Variants in MAN1A2 observed in about 807,000 individuals in gnomAD.
MAN1A2 encodes mannosidase alpha class 1A member 2.
A neutral mutation model predicts 75.7 loss-of-function variants in MAN1A2; 26 were observed. The observed-to-expected ratio is 0.34, with a 90% CI of 0.25 to 0.48. The LOEUF (loss-of-function observed/expected upper bound fraction) is 0.48. MAN1A2 is among the 20% of genes least tolerant of loss of function. The probability of loss-of-function intolerance (pLI) is 0.99; values close to 1 mark genes in which losing one functional copy is unlikely to be tolerated. For missense variants in MAN1A2, 562 were observed against 775.5 expected (o/e 0.72, Z 3.27); for synonymous variants, 247 against 264.6 (o/e 0.93, Z 0.65).
chr1:117,488,619 G>C (rs1650787126), intron 8 of MAN1A2, among the ~76,000 whole-genome samples: 1 of 152,052 alleles, frequency 6.6e-6, no homozygotes. Context: ...AAACTTTTAT[G>C]ATGCCAGAAA....
intron 8 of MAN1A2, among the ~76,000 whole-genome samples, chr1:117,480,363 A>G (rs1650457304): frequency 6.6e-6 from 1 of 151,894 alleles, no homozygotes; most frequent in African/African-American, 2.4e-5. Context: ...AGTAATTTAC[A>G]GGCAATAATG....
chr1:117,512,664 T>C (rs1254296474), intron 12 of MAN1A2, among the ~76,000 whole-genome samples: 2 of 151,840 alleles, frequency 1.3e-5, no homozygotes, highest in African/African-American at 2.4e-5. Context: ...CAAATAGGTA[T>C]ACTGGAAGAC....
At chr1:117,511,270 G>A (rs1479897214) in intron 12 of MAN1A2, among the ~76,000 whole-genome samples, 1 of 152,004 alleles carries the variant, frequency 6.6e-6, no homozygotes. Context: ...GGGGATTATG[G>A]GGATTACAAT....
At chr1:117,480,779 T>G (rs1347811984) in intron 8 of MAN1A2, among the ~76,000 whole-genome samples, 1 of 151,918 alleles carries the variant, frequency 6.6e-6, no homozygotes, top group Non-Finnish European at 1.5e-5. Flanking sequence ...ACATGAAAAC[T>G]TGTGTACTTT....
At position 117,522,907 on chromosome 1, in the gene MAN1A2, G is replaced by T. The variant is rs780177180; in HGVS notation, c.1876G>T (p.Val626Leu). 3 of 1,611,724 alleles carry T rather than the reference G, an allele frequency of 1.9e-6. No individual in the cohort carries two copies. The change falls in exon 13 of 13, where the codon GTG becomes TTG. Residue 626 changes from valine (V) to leucine (L), a missense_variant. Physicochemically the swap from Val to Leu is conservative, Grantham distance 32 (BLOSUM62 1). Transcript: ENST00000356554. ...TAATACAGAGGCTCACCCTCTGCCT[G>T]TGTTACATTTAGCCAACACCACACT... ...VFNTEAHPLP[V>L]LHLANTTLSG...
At chr1:117,407,661 C>A (rs1647659823) in intron 3 of MAN1A2, among the ~76,000 whole-genome samples, 1 of 152,142 alleles carries the variant, frequency 6.6e-6, no homozygotes, top group Non-Finnish European at 1.5e-5. Context: ...GCATCAGAGT[C>A]CTCTTTACAT....
chr1:117,526,880 C>CTCTCTCTCTCTATATATATATATATA lies in MAN1A2; in HGVS notation c.*3924_*3925insCTCTCTCTCTATATATATATATATAT. ...TCTCTCTCTCTCTCTCTCTCTCTCT[C>CTCTCTCTCTCTATATATATATATATA]TATATATATATATATATATATATAT... On this transcript the variant is annotated 3_prime_UTR_variant, in exon 13 of 13. Transcript: ENST00000356554. 1.3e-4 allele frequency: 7 copies of CTCTCTCTCTCTATATATATATATATA among 54,502 alleles called. No individual in the cohort carries two copies. Among genetic ancestry groups the CTCTCTCTCTCTATATATATATATATA allele is most frequent in the Admixed American group, 2.4e-4 (1 of 4,172 alleles). The allele number at this position is 54,502 out of a possible 1,614,324, so 3.4% of individuals were successfully genotyped here.
At chr1:117,471,639 T>C (rs1164981902) in intron 8 of MAN1A2, among the ~76,000 whole-genome samples, 2 of 151,946 alleles carry the variant, frequency 1.3e-5, no homozygotes, top group Non-Finnish European at 2.9e-5. Flanking sequence ...ATGGACAGAA[T>C]TCTCACTTGA....
At chr1:117,388,116 A>G (rs1280307168) in intron 1 of MAN1A2, among the ~76,000 whole-genome samples, 3 of 152,144 alleles carry the variant, frequency 2.0e-5, no homozygotes, top group Admixed American at 6.5e-5. Context: ...GTAACAAACC[A>G]GGTAAATCTA....
intron 5 of MAN1A2, among the ~76,000 whole-genome samples, chr1:117,440,622 T>C (rs1291519125): frequency 6.6e-6 from 1 of 152,072 alleles, no homozygotes; most frequent in Non-Finnish European, 1.5e-5. Flanking sequence ...CTATAACTGT[T>C]TATATGTTAA....
chr1:117,407,565 CTTTT>C (rs917431680), intron 3 of MAN1A2, among the ~76,000 whole-genome samples: 12 of 152,056 alleles, frequency 7.9e-5, no homozygotes, highest in Admixed American at 2.0e-4. Context: ...TTAAAACACT[CTTTT>C]TGTTAGCCTT....
At chr1:117,515,090 A>G in intron 12 of MAN1A2, 1 of 268,602 alleles carries the variant, frequency 3.7e-6, no homozygotes, top group African/African-American at 2.2e-5. Context: ...GCATGGACAA[A>G]TTTAATAAAA....
At chr1:117,464,003 A>G (rs1444800888) in intron 7 of MAN1A2, among the ~76,000 whole-genome samples, 1 of 152,196 alleles carries the variant, frequency 6.6e-6, no homozygotes, top group Non-Finnish European at 1.5e-5. Flanking sequence ...TAAAATAAAC[A>G]TAATTTAACG....
chr1:117,425,898 A>G (rs1648353381), intron 5 of MAN1A2, among the ~76,000 whole-genome samples: 1 of 151,688 alleles, frequency 6.6e-6, no homozygotes, highest in African/African-American at 2.4e-5. Context: ...CATTTCAGTC[A>G]TTTTTGTTGG....
rs1298638368 is a variant in MAN1A2, at chr1:117,526,878, C to CTATA, written c.*3922_*3923insATAT. On this transcript the variant is annotated 3_prime_UTR_variant, in exon 13 of 13. Transcript: ENST00000356554. ...TCTCTCTCTCTCTCTCTCTCTCTCTCTCTATATATATATATATATATATAT... is the reference window on the plus strand; with the variant it reads ...TCTCTCTCTCTCTCTCTCTCTCTCTCTATATCTATATATATATATATATATATAT... 2.2e-3 allele frequency: 133 copies of CTATA among 60,748 alleles called. No homozygotes were observed. The highest frequency in any genetic ancestry group is 0.011 in the Middle Eastern group (1 of 88). The allele number at this position is 60,748 out of a possible 1,614,324, so 3.8% of individuals were successfully genotyped here. A position where few individuals can be genotyped will look rare whatever the true frequency, so the allele number is the denominator to read the frequency against.
rs9783031 is a variant in MAN1A2, at chr1:117,367,515, T to G, written c.-669T>G. 0.12 allele frequency: 18,863 copies of G among 152,638 alleles called. 1,227 individuals carry two copies. Among genetic ancestry groups the G allele is most frequent in the Non-Finnish European group, 0.14 (9,478 of 68,386 alleles). 9.5% of individuals were successfully genotyped at this position (152,638 alleles called of 1,614,324 possible). A position where few individuals can be genotyped will look rare whatever the true frequency, so the allele number is the denominator to read the frequency against. ...GGCCGGACTCAGGTGTTTCGGACGCTATTGCCCTTCGCGCCAGCCGTCGAG... is the reference window on the plus strand; with the variant it reads ...GGCCGGACTCAGGTGTTTCGGACGCGATTGCCCTTCGCGCCAGCCGTCGAG... On this transcript the variant is annotated 5_prime_UTR_variant, in exon 1 of 13. Transcript: ENST00000356554.
At chr1:117,468,386 A>G (rs1304012010) in intron 8 of MAN1A2, among the ~76,000 whole-genome samples, 1 of 152,134 alleles carries the variant, frequency 6.6e-6, no homozygotes, top group African/African-American at 2.4e-5. Flanking sequence ...TTCCAAATAA[A>G]TTTTCAGAGC....
chr1:117,516,361 G>A (rs1239063141), intron 12 of MAN1A2, among the ~76,000 whole-genome samples: 5 of 152,124 alleles, frequency 3.3e-5, no homozygotes, highest in Non-Finnish European at 4.4e-5. Context: ...ATGGTATGAA[G>A]ACAGAAAGGA....
At chr1:117,518,839 A>T (rs957250043) in intron 12 of MAN1A2, among the ~76,000 whole-genome samples, 2 of 152,124 alleles carry the variant, frequency 1.3e-5, no homozygotes, top group Non-Finnish European at 1.5e-5. Flanking sequence ...AAATGGACTT[A>T]ACAGATATAT....
Sources: gnomAD v4.1 joint callset for allele counts (sites outside exome capture counted in the v4.1 genomes callset) on GRCh38, gnomAD v4.1.1 for gene constraint, MANE v1.5 for transcripts, NCBI Gene and HGNC (gene_info 2026-07-23, HGNC 2026-07-21) for gene names.